The following RSPO3 variants were observed in gnomAD, a reference collection of about 807,000 sequenced individuals.
RSPO3 encodes R-spondin 3.
Under a neutral mutation model 36.5 loss-of-function variants are expected in RSPO3, and 17 were observed. The ratio of observed to expected loss-of-function variants is 0.47; its 90% CI spans 0.32 to 0.70. The LOEUF (loss-of-function observed/expected upper bound fraction) is 0.70. RSPO3 is among the 30% of genes least tolerant of loss of function. The probability of loss-of-function intolerance (pLI) is 0.04; values close to 1 mark genes in which losing one functional copy is unlikely to be tolerated. For missense variants in RSPO3, 294 were observed against 322.5 expected, an observed-to-expected ratio of 0.91 and a Z score of 0.68; for synonymous variants, 108 against 107.0, an observed-to-expected ratio of 1.01 and a Z score of -0.06.
intron 4 of RSPO3, among the ~76,000 whole-genome samples, chr6:127,159,709 C>T (rs1483976000): frequency 1.5e-5 from 2 of 137,846 alleles, no homozygotes; most frequent in Non-Finnish European, 3.0e-5. Context: ...AGTGCAGTGG[C>T]GCGATCTCGG....
In RSPO3 at chr6:127,197,369, G is replaced by T. The variant is rs1775535279; in HGVS notation, c.*1362G>T. The stretch of plus-strand genomic sequence containing the variant: ...CATTTCTTGTATGTCAGATCCCCCT[G>T]CATCTTCAACATTTAGTCTTTTCTT... On this transcript the variant is annotated 3_prime_UTR_variant, in exon 5 of 5. Transcript: ENST00000356698. The T allele has an allele frequency of 3.2e-6, 5 of 1,545,110 alleles. No individual in the cohort carries two copies. The highest frequency in any genetic ancestry group is 1.2e-5 in the South Asian group (1 of 83,572).
intron 4 of RSPO3, among the ~76,000 whole-genome samples, chr6:127,162,570 C>T (rs914112852): frequency 6.6e-6 from 1 of 152,094 alleles, no homozygotes; most frequent in South Asian, 2.1e-4. Context: ...GGCCAAGATA[C>T]CTTCATACGC....
chr6:127,129,315 C>T (rs919930247), intron 1 of RSPO3, among the ~76,000 whole-genome samples: 4 of 151,930 alleles, frequency 2.6e-5, no homozygotes, highest in Admixed American at 2.0e-4. Flanking sequence ...CTTTTTTAGT[C>T]CATGAAGGAT....
At chr6:127,156,581 G>A (rs1165848113) in intron 4 of RSPO3, among the ~76,000 whole-genome samples, 1 of 151,964 alleles carries the variant, frequency 6.6e-6, no homozygotes, top group Non-Finnish European at 1.5e-5. Context: ...ACCTTTATTA[G>A]GTTATTTCAT....
intron 4 of RSPO3, among the ~76,000 whole-genome samples, chr6:127,186,176 A>C (rs963967861): frequency 6.6e-6 from 1 of 152,174 alleles, no homozygotes. Context: ...ATCAAAGATG[A>C]AGACAGTGAT....
intron 4 of RSPO3, among the ~76,000 whole-genome samples, chr6:127,165,111 C>A (rs1350802921): frequency 6.6e-6 from 1 of 151,934 alleles, no homozygotes; most frequent in Non-Finnish European, 1.5e-5. Context: ...TATCAATATA[C>A]TAAATTCACA....
chr6:127,186,480 A>G (rs1775297054), intron 4 of RSPO3, among the ~76,000 whole-genome samples: 1 of 152,152 alleles, frequency 6.6e-6, no homozygotes, highest in African/African-American at 2.4e-5. Flanking sequence ...TCTGAAGCAA[A>G]TGAATTAGAT....
At chr6:127,153,195 T>C (rs1414437916) in intron 3 of RSPO3, among the ~76,000 whole-genome samples, 1 of 152,106 alleles carries the variant, frequency 6.6e-6, no homozygotes, top group Non-Finnish European at 1.5e-5. Context: ...TGGTTCTTAA[T>C]ACAGAAGCTA....
chr6:127,192,636 C>A, intron 4 of RSPO3: 1 of 984,898 alleles, frequency 1.0e-6, no homozygotes, highest in Non-Finnish European at 1.2e-6. Context: ...ACCCAAACAC[C>A]CTCATAGGTA....
chr6:127,179,481 G>A (rs903505479), intron 4 of RSPO3, among the ~76,000 whole-genome samples: 2 of 151,804 alleles, frequency 1.3e-5, no homozygotes, highest in East Asian at 1.9e-4. Flanking sequence ...TAACCAAAAC[G>A]ATCTCATTTA....
intron 4 of RSPO3, among the ~76,000 whole-genome samples, chr6:127,159,644 C>CTTTTTT (rs869033594): frequency 3.2e-5 from 4 of 123,286 alleles, no homozygotes; most frequent in Admixed American, 8.5e-5. Context: ...ATACATTCTC[C>CTTTTTT]TTTTTTTTTT....
At chr6:127,158,480 C>A (rs572193524) in intron 4 of RSPO3, among the ~76,000 whole-genome samples, 95 of 152,206 alleles carry the variant, frequency 6.2e-4, no homozygotes, top group African/African-American at 2.2e-3. Flanking sequence ...AGGTAGGGAG[C>A]ATGTGTTCAG....
intron 4 of RSPO3, among the ~76,000 whole-genome samples, chr6:127,177,105 C>T (rs1775071592): frequency 6.6e-6 from 1 of 151,836 alleles, no homozygotes; most frequent in Non-Finnish European, 1.5e-5. Context: ...ATGAAAGAGA[C>T]TGCTAAGTCT....
chr6:127,169,257 A>C (rs1774888309), intron 4 of RSPO3, among the ~76,000 whole-genome samples: 1 of 151,314 alleles, frequency 6.6e-6, no homozygotes, highest in South Asian at 2.1e-4. Context: ...TGTTTTTGTA[A>C]TTACAACTTC....
chr6:127,166,945 C>T (rs1774833360), intron 4 of RSPO3, among the ~76,000 whole-genome samples: 1 of 151,742 alleles, frequency 6.6e-6, no homozygotes, highest in African/African-American at 2.4e-5. Context: ...TATGTTTTAT[C>T]CAATTTTCTA....
intron 3 of RSPO3, 35 bp from the exon 4 acceptor site, chr6:127,155,206 A>G (rs866585554): frequency 6.2e-7 from 1 of 1,604,078 alleles, no homozygotes; most frequent in Middle Eastern, 1.7e-4. Context: ...AGTGGTTGTA[A>G]GCCAGCTGAG....
intron 4 of RSPO3, among the ~76,000 whole-genome samples, chr6:127,167,420 C>T (rs1453206116): frequency 1.3e-5 from 2 of 151,948 alleles, no homozygotes; most frequent in East Asian, 1.9e-4. Context: ...ACAGCTTCCA[C>T]ATCCATTCAT....
chr6:127,189,905 T>G (rs1201862179), intron 4 of RSPO3, among the ~76,000 whole-genome samples: 2 of 152,228 alleles, frequency 1.3e-5, no homozygotes, highest in Non-Finnish European at 2.9e-5. Context: ...ACATTCATTC[T>G]TTGATATTTT....
intron 4 of RSPO3, among the ~76,000 whole-genome samples, chr6:127,169,640 A>C (rs4404786): frequency 0.47 from 70,942 of 151,664 alleles, 16,761 homozygotes; most frequent in East Asian, 0.53. Context: ...GTGACTTTGC[A>C]GAAGTGACAT....
Sources: gnomAD v4.1 joint callset for allele counts (sites outside exome capture counted in the v4.1 genomes callset) on GRCh38, gnomAD v4.1.1 for gene constraint, MANE v1.5 for transcripts, NCBI Gene and HGNC (gene_info 2026-07-23, HGNC 2026-07-21) for gene names.